Variants in SCMH1 observed in about 807,000 individuals in gnomAD.
The protein encoded by SCMH1 is polycomb protein SCMH1.
A neutral mutation model predicts 70.8 loss-of-function variants in SCMH1; 37 were observed. The observed-to-expected ratio is 0.52, with a 90% CI of 0.40 to 0.69. The LOEUF (loss-of-function observed/expected upper bound fraction) is 0.69, where lower values mean the gene tolerates loss of function less well. Among genes scored for constraint, SCMH1 ranks in the 30% least tolerant of loss-of-function variants. SCMH1 has a pLI of 0.00. For synonymous variants in SCMH1, 292 were observed against 307.4 expected, an observed-to-expected ratio of 0.95 and a Z score of 0.52; for missense variants, 607 against 827.3, an observed-to-expected ratio of 0.73 and a Z score of 3.27.
intron 6 of SCMH1, among the ~76,000 whole-genome samples, chr1:41,123,992 A>G (rs1672556754): frequency 1.3e-5 from 2 of 152,226 alleles, no homozygotes; most frequent in South Asian, 4.1e-4. Flanking sequence ...AACTCTAGAA[A>G]GAAGTCCAGA....
chr1:41,053,505 C>T (rs1171606981), intron 10 of SCMH1, among the ~76,000 whole-genome samples: 1 of 152,170 alleles, frequency 6.6e-6, no homozygotes, highest in Non-Finnish European at 1.5e-5. Context: ...ACAGCCAGAA[C>T]GAGCTGGTTG....
At chr1:41,216,557 G>T (rs1658127799) in intron 1 of SCMH1, among the ~76,000 whole-genome samples, 1 of 152,176 alleles carries the variant, frequency 6.6e-6, no homozygotes, top group African/African-American at 2.4e-5. Context: ...CTCCATCCCT[G>T]CAAAGGTTTG....
chr1:41,232,217 T>C lies in SCMH1; in HGVS notation c.-118+9842A>G, dbSNP rs545635352. On this transcript the variant is annotated intron_variant, in intron 1 of 14. Transcript: ENST00000337495. ...TTCTCACCTTTTTATCCTTAGTATGTAGCTGGTAAAGGTTGAAAAACTGCA... is the reference window on the plus strand; with the variant it reads ...TTCTCACCTTTTTATCCTTAGTATGCAGCTGGTAAAGGTTGAAAAACTGCA... Among the ~76,000 whole-genome samples, 5 of 152,188 alleles carry C rather than the reference T, an allele frequency of 3.3e-5. No individual in the cohort carries two copies. The South Asian group carries it at 1.0e-3, about 32-fold the overall frequency.
intron 6 of SCMH1, among the ~76,000 whole-genome samples, chr1:41,121,740 A>T (rs10789304): frequency 0.2 from 30,383 of 152,070 alleles, 3,649 homozygotes; most frequent in East Asian, 0.38. Context: ...GTCTAAGAAA[A>T]CGTAAAATGA....
intron 9 of SCMH1, among the ~76,000 whole-genome samples, chr1:41,074,240 GGAAAGACT>G (rs1657487756): frequency 6.6e-6 from 1 of 152,104 alleles, no homozygotes; most frequent in African/African-American, 2.4e-5. Context: ...AGGAAATGTG[GGAAAGACT>G]GAAAGAGTGA....
chr1:41,140,100 T>C (rs915064177), intron 6 of SCMH1, among the ~76,000 whole-genome samples: 1 of 152,216 alleles, frequency 6.6e-6, no homozygotes, highest in African/African-American at 2.4e-5. Context: ...GTAGTGTTGG[T>C]ATTGTTATTC....
intron 8 of SCMH1, among the ~76,000 whole-genome samples, chr1:41,109,464 A>C (rs1668744747): frequency 6.6e-6 from 1 of 152,174 alleles, no homozygotes; most frequent in Non-Finnish European, 1.5e-5. Context: ...GAGTAACCAC[A>C]TTTTTTCCAC....
At chr1:41,035,395 A>C (rs2148555100) in intron 13 of SCMH1, among the ~76,000 whole-genome samples, 1 of 152,306 alleles carries the variant, frequency 6.6e-6, no homozygotes, top group Non-Finnish European at 1.5e-5. Context: ...AGAAAACCAT[A>C]GCTTGTGCAA....
intron 1 of SCMH1, among the ~76,000 whole-genome samples, chr1:41,208,440 A>AAT (rs1656146216): frequency 7.5e-6 from 1 of 133,204 alleles, no homozygotes; most frequent in Non-Finnish European, 1.7e-5. Context: ...AAAATTAAAA[A>AAT]AAAAAAATAA....
chr1:41,237,014 C>T (rs544017819), intron 1 of SCMH1, among the ~76,000 whole-genome samples: 2 of 152,088 alleles, frequency 1.3e-5, no homozygotes, highest in African/African-American at 4.8e-5. Flanking sequence ...AGAGAAAGAC[C>T]CAACATTTGA....
At chr1:41,210,749 A>G (rs1481129431) in intron 1 of SCMH1, among the ~76,000 whole-genome samples, 1 of 152,188 alleles carries the variant, frequency 6.6e-6, no homozygotes, top group Non-Finnish European at 1.5e-5. Flanking sequence ...TAAAACCATA[A>G]AAACCCTAGA....
chr1:41,143,956 A>T (rs1644331082), intron 5 of SCMH1, among the ~76,000 whole-genome samples: 1 of 152,196 alleles, frequency 6.6e-6, no homozygotes, highest in African/African-American at 2.4e-5. Context: ...ATGCTGACGG[A>T]GATTTGGTTT....
chr1:41,105,423 G>C (rs536988900), intron 8 of SCMH1, among the ~76,000 whole-genome samples: 1 of 152,236 alleles, frequency 6.6e-6, no homozygotes, highest in African/African-American at 2.4e-5. Context: ...AGATATTACT[G>C]AATAAATGGC....
intron 1 of SCMH1, among the ~76,000 whole-genome samples, chr1:41,213,054 T>C (rs1657375806): frequency 1.3e-5 from 2 of 152,088 alleles, no homozygotes; most frequent in African/African-American, 4.8e-5. Flanking sequence ...GGAACACGAA[T>C]AGTACAGATA....
Position 41,155,459 on chromosome 1 carries a change from AAAACAAACAAAC to A in SCMH1, c.107-3787_107-3776del, listed in dbSNP as rs138222770. Among the ~76,000 whole-genome samples, 97 of 151,598 alleles carry A rather than the reference AAAACAAACAAAC, an allele frequency of 6.4e-4. 1 individual carries two copies. The highest frequency in any genetic ancestry group is 4.1e-4 in the African/African-American group (17 of 41,366). ...ACAATGTTTTGCTCCACATGGAGCA[AAAACAAACAAAC>A]AAACAAACAAACAATATTTTGCTCC... On this transcript the variant is annotated intron_variant, in intron 4 of 14. Transcript: ENST00000337495.
chr1:41,079,822 CTCTA>C (rs1316869359), intron 8 of SCMH1, among the ~76,000 whole-genome samples: 1 of 151,946 alleles, frequency 6.6e-6, no homozygotes, highest in Non-Finnish European at 1.5e-5. Flanking sequence ...GGATTACAGG[CTCTA>C]TCTCTTATCT....
intron 1 of SCMH1, among the ~76,000 whole-genome samples, chr1:41,203,417 A>G (rs1654805806): frequency 6.6e-6 from 1 of 152,234 alleles, no homozygotes; most frequent in South Asian, 2.1e-4. Flanking sequence ...TGGCTATCAA[A>G]AACACAGTTC....
intron 10 of SCMH1, among the ~76,000 whole-genome samples, 190 bp downstream of exon 10, chr1:41,070,405 C>T (rs1656067502): frequency 6.6e-6 from 1 of 152,078 alleles, no homozygotes; most frequent in African/African-American, 2.4e-5. Flanking sequence ...GTTCCCCATC[C>T]CTGAGTTCAC....
At chr1:41,054,459 T>A (rs1340831161) in intron 10 of SCMH1, among the ~76,000 whole-genome samples, 1 of 152,136 alleles carries the variant, frequency 6.6e-6, no homozygotes, top group Non-Finnish European at 1.5e-5. Context: ...TTATTTCCAG[T>A]CTCTCCATAA....
Sources: gnomAD v4.1 joint callset for allele counts (sites outside exome capture counted in the v4.1 genomes callset) on GRCh38, gnomAD v4.1.1 for gene constraint, MANE v1.5 for transcripts, NCBI Gene and HGNC (gene_info 2026-07-23, HGNC 2026-07-21) for gene names.